Variants in LRCH2 observed in about 807,000 individuals in gnomAD.
The protein encoded by LRCH2 is leucine-rich repeat and calponin homology domain-containing protein 2.
Under a neutral mutation model 68.9 loss-of-function variants are expected in LRCH2, and 38 were observed. The ratio of observed to expected loss-of-function variants is 0.55; its 90% CI spans 0.43 to 0.72. The LOEUF (loss-of-function observed/expected upper bound fraction) is 0.72, where lower values mean the gene tolerates loss of function less well. LRCH2 is among the 30% of genes least tolerant of loss of function. The pLI is 0.00. For synonymous variants in LRCH2, 191 were observed against 208.1 expected (o/e 0.92, Z 0.71); for missense variants, 528 against 572.9 (o/e 0.92, Z 0.80).
chrX:115,204,384 T>G (rs1417424047), intron 1 of LRCH2, among the ~76,000 whole-genome samples: 2 of 113,418 alleles, frequency 1.8e-5, no homozygotes, highest in African/African-American at 3.2e-5. Flanking sequence ...TTATGCAAAT[T>G]TCTGCAGCGG....
At chrX:115,181,993 A>G (rs2072695455) in intron 3 of LRCH2, among the ~76,000 whole-genome samples, 1 of 111,219 alleles carries the variant, frequency 9.0e-6, no homozygotes, top group African/African-American at 3.3e-5. Context: ...AACTACTCAC[A>G]CAGCATTTAC....
intron 16 of LRCH2, chrX:115,126,437 C>T (rs1407502901): frequency 8.7e-6 from 1 of 115,110 alleles, no homozygotes; most frequent in African/African-American, 3.2e-5. Context: ...GGCCATTGCA[C>T]AATGCTGAAG....
At chrX:115,173,493 T>C (rs978582746) in intron 5 of LRCH2, among the ~76,000 whole-genome samples, 9 of 112,024 alleles carry the variant, frequency 8.0e-5, no homozygotes, top group African/African-American at 2.6e-4. Flanking sequence ...TACATTCCTT[T>C]GTACCTACTT....
At chrX:115,176,959 G>T (rs1343029408) in intron 5 of LRCH2, among the ~76,000 whole-genome samples, 1 of 105,825 alleles carries the variant, frequency 9.4e-6, no homozygotes, top group African/African-American at 3.5e-5. Flanking sequence ...ATTGCCCAGG[G>T]TGGTCTCAAA....
intron 1 of LRCH2, among the ~76,000 whole-genome samples, chrX:115,219,415 A>T (rs2073063569): frequency 8.2e-5 from 1 of 12,184 alleles, no homozygotes. Context: ...AATTCCACAA[A>T]CTGGAAAAAA....
At chrX:115,226,422 A>G (rs2073119477) in intron 1 of LRCH2, among the ~76,000 whole-genome samples, 1 of 111,765 alleles carries the variant, frequency 8.9e-6, no homozygotes, top group Non-Finnish European at 1.9e-5. Flanking sequence ...TGTTTTAGTA[A>G]CATTGTTTTA....
intron 1 of LRCH2, among the ~76,000 whole-genome samples, chrX:115,188,700 G>C (rs1258419512): frequency 9.0e-6 from 1 of 110,733 alleles, no homozygotes; most frequent in Non-Finnish European, 1.9e-5. Context: ...ATGTGATGGT[G>C]GGCCCCTGTA....
chrX:115,142,608 G>A (rs781783376), intron 14 of LRCH2, among the ~76,000 whole-genome samples: 3 of 111,798 alleles, frequency 2.7e-5, no homozygotes, highest in Non-Finnish European at 5.6e-5. Context: ...GAAGGAAATC[G>A]AAAAATTTCT....
At chrX:115,190,061 C>A in intron 1 of LRCH2, 1 of 1,154,820 alleles carries the variant, frequency 8.7e-7, no homozygotes, top group Non-Finnish European at 1.2e-6. Flanking sequence ...CACAAGAGGG[C>A]TGTGCCCCGG....
intron 1 of LRCH2, among the ~76,000 whole-genome samples, chrX:115,229,289 A>T (rs781793879): frequency 1.8e-5 from 2 of 111,539 alleles, no homozygotes; most frequent in Admixed American, 9.6e-5. Context: ...TGGAGTTGAA[A>T]AACCTAGGCT....
chrX:115,111,273 A>T lies in LRCH2; in HGVS notation c.*1943T>A, dbSNP rs782255984. 9.0e-6 allele frequency: 1 copy of T among 111,094 alleles called. No homozygotes were observed. The highest frequency in any genetic ancestry group is 3.8e-4 in the South Asian group (1 of 2,641). 9.2% of individuals were successfully genotyped at this position (111,094 alleles called of 1,213,427 possible). A position where few individuals can be genotyped will look rare whatever the true frequency, so the allele number is the denominator to read the frequency against. On this transcript the variant is annotated 3_prime_UTR_variant, in exon 21 of 21. Coordinates refer to ENST00000317135, the MANE Select transcript of LRCH2 (RefSeq NM_020871.4). ...CTTTTTAAAGGAATAATTAACTGAA[A>T]AGTAACTGAAATGTTATAAGAAAAT...
At position 115,184,544 on chromosome X, in the gene LRCH2, A is replaced by G. The variant is rs782806575; in HGVS notation, c.495-7T>C. 4.4e-6 allele frequency: 5 copies of G among 1,135,842 alleles called. No homozygotes were observed. The highest frequency in any genetic ancestry group is 2.4e-4 in the Middle Eastern group (1 of 4,140). The allele number at this position is 1,135,842 out of a possible 1,213,427, so 93.6% of individuals were successfully genotyped here. A position where few individuals can be genotyped will look rare whatever the true frequency, so the allele number is the denominator to read the frequency against. On this transcript the variant is annotated splice_polypyrimidine_tract_variant and splice_region_variant and intron_variant, in intron 2 of 20. Transcript: ENST00000317135. ...TGTTGATAAAAGATTTCGGCTGAAA[A>G]GAATGAGAAAGTTTCATTACGAGAA...
chrX:115,152,803 G>A (rs1393805045), intron 12 of LRCH2, among the ~76,000 whole-genome samples: 1 of 110,720 alleles, frequency 9.0e-6, no homozygotes, highest in African/African-American at 3.3e-5. Context: ...ACTACACCAA[G>A]ATATATCACC....
intron 1 of LRCH2, among the ~76,000 whole-genome samples, chrX:115,221,303 C>T (rs1427871689): frequency 1.0e-5 from 1 of 99,841 alleles, no homozygotes; most frequent in Non-Finnish European, 2.0e-5. Flanking sequence ...GCTTATGAAG[C>T]AATAACAAGA....
intron 1 of LRCH2, chrX:115,192,695 A>G (rs1556561684): frequency 9.0e-7 from 1 of 1,116,318 alleles, no homozygotes; most frequent in Non-Finnish European, 1.2e-6. Context: ...AACAAAAAGA[A>G]GAACCTGTTC....
intron 1 of LRCH2, among the ~76,000 whole-genome samples, chrX:115,220,752 G>T (rs376718362): frequency 9.0e-6 from 1 of 111,241 alleles, no homozygotes; most frequent in East Asian, 2.8e-4. Context: ...AAAACATTTT[G>T]TAATGTAGTA....
rs374338087 is a variant in LRCH2 at position 115,139,217 on chromosome X, T to A, written c.1696-9018A>T. The stretch of plus-strand genomic sequence containing the variant: ...AGGTTATTTTACAATCCCAGTGGCT[T>A]CTTTACTCCCATATAAAACGAACAA... On this transcript the variant is annotated intron_variant, in intron 14 of 20. Coordinates refer to ENST00000317135, the MANE Select transcript of LRCH2 (RefSeq NM_020871.4). The A allele has an allele frequency of 5.4e-5, 6 of 111,843 alleles. No individual in the cohort carries two copies. The East Asian group carries it at 1.7e-3, about 31-fold the overall frequency. 9.2% of individuals were successfully genotyped at this position (111,843 alleles called of 1,213,427 possible).
At chrX:115,119,094 T>A (rs1303469044) in intron 20 of LRCH2, among the ~76,000 whole-genome samples, 2 of 111,083 alleles carry the variant, frequency 1.8e-5, no homozygotes, top group Admixed American at 9.6e-5. Context: ...AAGCATTCCC[T>A]TTGAAAACTG....
chrX:115,226,360 G>T (rs114608566), intron 1 of LRCH2, among the ~76,000 whole-genome samples: 2,749 of 111,520 alleles, frequency 0.025, 89 homozygotes, highest in African/African-American at 0.086. Flanking sequence ...CAAGGAATAA[G>T]GAAATAAGAT....
Sources: gnomAD v4.1 joint callset for allele counts (sites outside exome capture counted in the v4.1 genomes callset) on GRCh38, gnomAD v4.1.1 for gene constraint, MANE v1.5 for transcripts, NCBI Gene and HGNC (gene_info 2026-07-23, HGNC 2026-07-21) for gene names.